Variants in PLEKHA1 observed in about 807,000 individuals in gnomAD.
PLEKHA1 encodes the protein pleckstrin homology domain containing A1, also known as pleckstrin homology domain-containing family A member 1.
A neutral mutation model predicts 52.0 loss-of-function variants in PLEKHA1; 34 were observed. The observed-to-expected ratio is 0.65, with a 90% CI of 0.50 to 0.87. PLEKHA1 has a LOEUF of 0.87. Among genes scored for constraint, PLEKHA1 ranks in the 40% least tolerant of loss-of-function variants. PLEKHA1 has a pLI of 0.00. For synonymous variants in PLEKHA1, 163 were observed against 170.7 expected (o/e 0.95, Z 0.35); for missense variants, 497 against 504.2 (o/e 0.99, Z 0.14).
intron 11 of PLEKHA1, chr10:122,428,299 G>T: frequency 1.3e-6 from 2 of 1,543,956 alleles, no homozygotes; most frequent in Non-Finnish European, 1.7e-6. Flanking sequence ...GAAGGCTGTC[G>T]AACCCTTGTA....
chr10:122,388,050 T>G (rs2096724699), intron 1 of PLEKHA1: 1 of 152,244 alleles, frequency 6.6e-6, no homozygotes, highest in Non-Finnish European at 1.5e-5. Context: ...ATTACCCATT[T>G]TAGTGCGTAC....
Position 122,430,143 on chromosome 10 carries a change from A to G in PLEKHA1, c.*205A>G. On this transcript the variant is annotated 3_prime_UTR_variant, in exon 12 of 12. Coordinates refer to ENST00000368990, the MANE Select transcript of PLEKHA1 (RefSeq NM_001001974.4). ...TCTTTAAAAAAGAAAGAAAAAGGAA[A>G]AATCCAAAATATCTCAGTATCATCT... The G allele has an allele frequency of 2.0e-5, 11 of 545,066 alleles. 2 individuals carry two copies. In the South Asian group the frequency reaches 3.9e-4, roughly 19 times the overall value. 33.8% of individuals were successfully genotyped at this position (545,066 alleles called of 1,614,324 possible).
intron 3 of PLEKHA1, among the ~76,000 whole-genome samples, chr10:122,398,837 A>G (rs562593368): frequency 6.6e-6 from 1 of 152,182 alleles, no homozygotes; most frequent in Non-Finnish European, 1.5e-5. Context: ...TTAGTATTAC[A>G]GTAGAGGTAT....
At chr10:122,428,203 A>G (rs947739667) in intron 11 of PLEKHA1, 127 of 1,353,662 alleles carry the variant, frequency 9.4e-5, no homozygotes, top group Non-Finnish European at 1.2e-4. Flanking sequence ...TATGACTGTC[A>G]GCACAACTTT....
chr10:122,397,403 A>G (rs957404528), intron 2 of PLEKHA1, among the ~76,000 whole-genome samples: 1 of 152,044 alleles, frequency 6.6e-6, no homozygotes, highest in Non-Finnish European at 1.5e-5. Context: ...AGAAGCAAAC[A>G]TTTTTTTGTG....
chr10:122,376,501 GATATATATATATAT>G (rs56781870), intron 1 of PLEKHA1, among the ~76,000 whole-genome samples: 17,812 of 146,776 alleles, frequency 0.12, 1,217 homozygotes, highest in Middle Eastern at 0.19. Flanking sequence ...ACATTAAGAA[GATATATATATATAT>G]ATATATATAT....
chr10:122,428,705 T>G (rs2097375980), intron 11 of PLEKHA1, among the ~76,000 whole-genome samples: 2 of 152,212 alleles, frequency 1.3e-5, no homozygotes, highest in Non-Finnish European at 2.9e-5. Flanking sequence ...TGCATATGCA[T>G]TGGATAAACT....
At chr10:122,420,644 G>A (rs1477514073) in intron 8 of PLEKHA1, 1 of 152,226 alleles carries the variant, frequency 6.6e-6, no homozygotes, top group Non-Finnish European at 1.5e-5. Context: ...ACATGTATTA[G>A]AGATAAAACT....
At chr10:122,389,789 A>G (rs906692308) in intron 1 of PLEKHA1, among the ~76,000 whole-genome samples, 6 of 152,236 alleles carry the variant, frequency 3.9e-5, no homozygotes, top group Non-Finnish European at 7.3e-5. Context: ...TTTAGAGTAC[A>G]GGCAGAGTAG....
In PLEKHA1 at chr10:122,393,866, A is replaced by G. The variant is rs144761336; in HGVS notation, c.141+525A>G. 5.6e-4 allele frequency among the ~76,000 whole-genome samples: 85 copies of G among 152,200 alleles called. No individual in the cohort carries two copies. The highest frequency in any genetic ancestry group is 2.0e-3 in the African/African-American group (82 of 41,528). ...ACTTAACCACATGATACTCTTGCACATATGTAGTCCTTTTATTTTGTAGTG... is the reference window on the plus strand; with the variant it reads ...ACTTAACCACATGATACTCTTGCACGTATGTAGTCCTTTTATTTTGTAGTG... On this transcript the variant is annotated intron_variant, in intron 2 of 11. Coordinates refer to ENST00000368990, the MANE Select transcript of PLEKHA1 (RefSeq NM_001001974.4). The surrounding 1 kb of genome is among the most constrained non-coding windows in gnomAD (Gnocchi z 4.5).
intron 1 of PLEKHA1, among the ~76,000 whole-genome samples, chr10:122,391,466 G>A (rs1484352826): frequency 6.6e-6 from 1 of 152,162 alleles, no homozygotes; most frequent in African/African-American, 2.4e-5. Flanking sequence ...AGGGGGTCCA[G>A]CTTCATTCTA....
intron 6 of PLEKHA1, 128 bp downstream of exon 6, chr10:122,413,173 T>G: frequency 1.2e-6 from 1 of 849,572 alleles, no homozygotes; most frequent in Non-Finnish European, 1.6e-6. Context: ...ATATTTTTGT[T>G]TATTTCAAAA....
intron 8 of PLEKHA1, 25 bp downstream of exon 8, chr10:122,417,993 G>A: frequency 2.5e-6 from 4 of 1,568,728 alleles, no homozygotes; most frequent in Non-Finnish European, 3.5e-6. Flanking sequence ...CATAAATGTT[G>A]CTATAAGAAT....
At chr10:122,383,763 G>T (rs999244157) in intron 1 of PLEKHA1, among the ~76,000 whole-genome samples, 1 of 151,958 alleles carries the variant, frequency 6.6e-6, no homozygotes, top group African/African-American at 2.4e-5. Flanking sequence ...TCAAATTTCC[G>T]ATTTTAAGTA....
At chr10:122,384,555 G>A (rs1016480520) in intron 1 of PLEKHA1, among the ~76,000 whole-genome samples, 5 of 148,378 alleles carry the variant, frequency 3.4e-5, no homozygotes, top group Admixed American at 6.7e-5. Context: ...CCTGCAGTGC[G>A]CCGAGATCGT....
At chr10:122,406,499 G>C in intron 4 of PLEKHA1, 77 bp from the exon 5 acceptor site, 8 of 1,173,586 alleles carry the variant, frequency 6.8e-6, no homozygotes, top group Non-Finnish European at 1.0e-5. Context: ...AACTTAGCAA[G>C]GTTTTTCAGC....
Position 122,376,528 on chromosome 10 carries a change from A to G in PLEKHA1, c.-21+1722A>G, listed in dbSNP as rs1055312099. Among the ~76,000 whole-genome samples the G allele has an allele frequency of 2.0e-4, 25 of 122,690 alleles. No homozygotes were observed. In the East Asian group the frequency reaches 5.4e-3, roughly 27 times the overall value. The allele number at this position is 122,690 out of a possible 152,430, so 80.5% of individuals were successfully genotyped here. A position where few individuals can be genotyped will look rare whatever the true frequency, so the allele number is the denominator to read the frequency against. ...TATATATATATATATATATATATAT[A>G]TATATAATATAAATATATGTGTATA... is the stretch of plus-strand genomic sequence containing the variant. On this transcript the variant is annotated intron_variant, in intron 1 of 11. Coordinates refer to ENST00000368990, the MANE Select transcript of PLEKHA1 (RefSeq NM_001001974.4).
At chr10:122,376,183 TAAG>T (rs1271217496) in intron 1 of PLEKHA1, among the ~76,000 whole-genome samples, 6 of 152,174 alleles carry the variant, frequency 3.9e-5, no homozygotes, top group Non-Finnish European at 7.4e-5. Context: ...ATTAAAATAA[TAAG>T]ATTTATTCTG....
intron 2 of PLEKHA1, among the ~76,000 whole-genome samples, chr10:122,397,438 A>C (rs1483357643): frequency 6.6e-6 from 1 of 152,182 alleles, no homozygotes; most frequent in Non-Finnish European, 1.5e-5. Flanking sequence ...AATGTAGATT[A>C]ATATGGCATA....
Sources: gnomAD v4.1 joint callset for allele counts (sites outside exome capture counted in the v4.1 genomes callset) on GRCh38, gnomAD v4.1.1 for gene constraint, Gnocchi (gnomAD v3.1) non-coding constraint, MANE v1.5 for transcripts, NCBI Gene and HGNC (gene_info 2026-07-23, HGNC 2026-07-21) for gene names.